TCP11L1: variants seen among roughly 807,000 people sequenced by gnomAD.
The protein encoded by TCP11L1 is T-complex protein 11-like protein 1.
In TCP11L1, 28 loss-of-function variants were observed where a neutral mutation model predicts 48.9. That is an observed-to-expected ratio of 0.57 (90% CI 0.42 to 0.78). The LOEUF is 0.78. TCP11L1 is among the 30% of genes least tolerant of loss of function. TCP11L1 has a pLI of 0.00. For missense variants in TCP11L1, 505 were observed against 613.4 expected (o/e 0.82, Z 1.87); for synonymous variants, 204 against 231.9 (o/e 0.88, Z 1.09).
At chr11:33,043,526 A>G (rs1853900197) in intron 1 of TCP11L1, among the ~76,000 whole-genome samples, 1 of 152,260 alleles carries the variant, frequency 6.6e-6, no homozygotes, top group African/African-American at 2.4e-5. Context: ...ACTAACTACT[A>G]CGTGAGATCC....
chr11:33,065,714 A>G, intron 7 of TCP11L1, 116 bp from the exon 8 acceptor site: 1 of 1,168,410 alleles, frequency 8.6e-7, no homozygotes, highest in South Asian at 1.5e-5. Flanking sequence ...GCTCTGACAC[A>G]CTAGCGCAAA....
chr11:33,067,312 C>G (rs2133744835), intron 8 of TCP11L1, among the ~76,000 whole-genome samples: 1 of 152,316 alleles, frequency 6.6e-6, no homozygotes, highest in African/African-American at 2.4e-5. Flanking sequence ...AGGTCCAATT[C>G]AGAGACTTCT....
intron 2 of TCP11L1, among the ~76,000 whole-genome samples, chr11:33,047,781 A>T (rs549402613): frequency 2.0e-5 from 3 of 152,222 alleles, no homozygotes; most frequent in African/African-American, 2.4e-5. Flanking sequence ...GACCAGGAAG[A>T]CAAATTAACA....
At chr11:33,047,907 G>A (rs537162750) in intron 2 of TCP11L1, among the ~76,000 whole-genome samples, 12 of 152,114 alleles carry the variant, frequency 7.9e-5, no homozygotes, top group South Asian at 2.1e-4. Flanking sequence ...ATAAATGTCC[G>A]TCCACTTATG....
intron 6 of TCP11L1, among the ~76,000 whole-genome samples, chr11:33,061,265 T>C (rs948564966): frequency 1.3e-5 from 2 of 152,174 alleles, no homozygotes; most frequent in Non-Finnish European, 2.9e-5. Context: ...TTATTCATTA[T>C]CTTGTTTAAT....
At chr11:33,058,499 A>T (rs1460308405) in intron 5 of TCP11L1, among the ~76,000 whole-genome samples, 1 of 151,616 alleles carries the variant, frequency 6.6e-6, no homozygotes, top group Non-Finnish European at 1.5e-5. Flanking sequence ...TGCCCAGACC[A>T]GAACTATTTT....
chr11:33,040,623 A>G (rs1264241794), intron 1 of TCP11L1: 1 of 152,204 alleles, frequency 6.6e-6, no homozygotes, highest in Admixed American at 6.5e-5. Context: ...GAAGTTCGAA[A>G]TCTAGGTGGG....
chr11:33,061,743 A>G lies in TCP11L1; in HGVS notation c.972+17A>G. The stretch of plus-strand genomic sequence containing the variant: ...TTCCCCGAAGTAGGTCTCCTGAGCC[A>G]TCTCACTACTCATATTTGTTTTTGT... On this transcript the variant is annotated intron_variant, in intron 7 of 9. Coordinates refer to ENST00000334274, the MANE Select transcript of TCP11L1 (RefSeq NM_018393.4). The G allele has an allele frequency of 6.4e-7, 1 of 1,571,140 alleles. No individual in the cohort carries two copies.
intron 8 of TCP11L1, among the ~76,000 whole-genome samples, chr11:33,066,889 A>G (rs543862934): frequency 8.2e-4 from 125 of 152,296 alleles, no homozygotes; most frequent in Non-Finnish European, 9.6e-4. Context: ...ACACACGTGT[A>G]ACAGAAACGA....
chr11:33,044,389 A>G (rs976599782), intron 2 of TCP11L1, among the ~76,000 whole-genome samples: 3 of 152,194 alleles, frequency 2.0e-5, no homozygotes, highest in African/African-American at 7.2e-5. Flanking sequence ...AGTTTGCTAA[A>G]TGTGTGTGGT....
intron 1 of TCP11L1, among the ~76,000 whole-genome samples, chr11:33,042,774 A>G (rs1175176675): frequency 2.0e-5 from 3 of 151,728 alleles, no homozygotes; most frequent in Non-Finnish European, 2.9e-5. Flanking sequence ...CTCTACTAAA[A>G]ATACAAAATT....
At chr11:33,056,039 A>G (rs1023772217) in intron 3 of TCP11L1, among the ~76,000 whole-genome samples, 1 of 152,024 alleles carries the variant, frequency 6.6e-6, no homozygotes, top group Admixed American at 6.6e-5. Flanking sequence ...GCTGGTCTCA[A>G]ACTCCTGACC....
intron 9 of TCP11L1, among the ~76,000 whole-genome samples, chr11:33,070,950 C>T (rs893839771): frequency 8.0e-5 from 12 of 149,384 alleles, no homozygotes; most frequent in Middle Eastern, 3.5e-3. Flanking sequence ...TGCAGTGAGC[C>T]GAGATCGCGC....
Position 33,059,560 on chromosome 11 carries a change from C to T in TCP11L1, c.775+465C>T, listed in dbSNP as rs1003051822. Among the ~76,000 whole-genome samples, 11 of 152,268 alleles carry T rather than the reference C, an allele frequency of 7.2e-5. No homozygotes were observed. The East Asian group carries it at 1.7e-3, about 24-fold the overall frequency. On this transcript the variant is annotated intron_variant, in intron 6 of 9. Coordinates refer to ENST00000334274, the MANE Select transcript of TCP11L1 (RefSeq NM_018393.4). Reference sequence around the variant, plus strand: ...AGAGTCTCATTTTTATGAACCTCTCCGATGACTGCAGAAAACAGACGACTC... The same window carrying T: ...AGAGTCTCATTTTTATGAACCTCTCTGATGACTGCAGAAAACAGACGACTC...
At chr11:33,071,109 A>G (rs11032141) in intron 9 of TCP11L1, among the ~76,000 whole-genome samples, 111,033 of 151,290 alleles carry the variant, frequency 0.73, 40,870 homozygotes, top group East Asian at 0.87. Flanking sequence ...GAGGTCAGGA[A>G]TTCAAGACCA....
intron 3 of TCP11L1, 94 bp from the exon 4 acceptor site, chr11:33,057,021 T>C: frequency 6.5e-7 from 1 of 1,535,454 alleles, no homozygotes; most frequent in Non-Finnish European, 8.9e-7. Flanking sequence ...GGATTGATCT[T>C]ACCCTAAACC....
At chr11:33,055,407 A>T (rs1281207430) in intron 3 of TCP11L1, among the ~76,000 whole-genome samples, 1 of 152,162 alleles carries the variant, frequency 6.6e-6, no homozygotes, top group Non-Finnish European at 1.5e-5. Flanking sequence ...AAGAGCAAAA[A>T]GTTTGGGAGG....
chr11:33,072,134 G>A (rs992364003), intron 9 of TCP11L1, among the ~76,000 whole-genome samples: 5 of 151,976 alleles, frequency 3.3e-5, no homozygotes, highest in Non-Finnish European at 7.4e-5. Flanking sequence ...GTGAGCCACC[G>A]CGCCTGGCCA....
chr11:33,044,865 A>G lies in TCP11L1; in HGVS notation c.163+929A>G, dbSNP rs538794999. Among the ~76,000 whole-genome samples, 4 of 152,322 alleles carry G rather than the reference A, an allele frequency of 2.6e-5. No individual in the cohort carries two copies. The South Asian group carries it at 6.2e-4, about 24-fold the overall frequency. On this transcript the variant is annotated intron_variant, in intron 2 of 9. Transcript: ENST00000334274. Reference sequence around the variant, plus strand: ...CATGCATTTGTCAGGCCTGACTCCAATATGTGTAGTTAGAAAGCTTCTGTT... The same window carrying G: ...CATGCATTTGTCAGGCCTGACTCCAGTATGTGTAGTTAGAAAGCTTCTGTT...
Sources: gnomAD v4.1 joint callset for allele counts (sites outside exome capture counted in the v4.1 genomes callset) on GRCh38, gnomAD v4.1.1 for gene constraint, MANE v1.5 for transcripts, NCBI Gene and HGNC (gene_info 2026-07-23, HGNC 2026-07-21) for gene names.